The following RANBP17 variants were observed in gnomAD, a reference collection of about 807,000 sequenced individuals.
RANBP17 encodes the protein RAN binding protein 17.
Under a neutral mutation model 141.2 loss-of-function variants are expected in RANBP17, and 158 were observed. The ratio of observed to expected loss-of-function variants is 1.12; its 90% CI spans 0.98 to 1.28. The LOEUF (loss-of-function observed/expected upper bound fraction) is 1.28. Among genes scored for constraint, RANBP17 ranks in the 50% most tolerant of loss-of-function variants. The probability of loss-of-function intolerance (pLI) is 0.00; values close to 1 mark genes in which losing one functional copy is unlikely to be tolerated. For synonymous variants in RANBP17, 430 were observed against 450.0 expected (o/e 0.96, Z 0.56); for missense variants, 1,438 against 1,290.7 (o/e 1.11, Z -1.75).
intron 16 of RANBP17, among the ~76,000 whole-genome samples, chr5:171,174,751 AGTGTGTGT>A (rs57948503): frequency 1.8e-4 from 25 of 135,712 alleles, no homozygotes; most frequent in African/African-American, 3.1e-4. Context: ...AAATATCTAG[AGTGTGTGT>A]GTGTGTGTGT....
chr5:170,982,793 T>C (rs1777863579), intron 14 of RANBP17, among the ~76,000 whole-genome samples: 1 of 152,208 alleles, frequency 6.6e-6, no homozygotes, highest in Non-Finnish European at 1.5e-5. Context: ...TATTGGAAAT[T>C]CACAGCATCA....
intron 18 of RANBP17, among the ~76,000 whole-genome samples, chr5:171,192,517 T>A (rs1408280622): frequency 2.0e-5 from 3 of 152,088 alleles, no homozygotes; most frequent in African/African-American, 4.8e-5. Context: ...ACACTCTGGT[T>A]CCCTAGGGAG....
chr5:171,051,689 T>A (rs1020695758), intron 14 of RANBP17, among the ~76,000 whole-genome samples: 23 of 152,172 alleles, frequency 1.5e-4, no homozygotes, highest in African/African-American at 4.8e-4. Context: ...CAAGTAATGT[T>A]GCTGTAAACA....
chr5:170,986,612 A>G lies in RANBP17; in HGVS notation c.1710+18235A>G, dbSNP rs566814226. Among the ~76,000 whole-genome samples, 4 of 152,014 alleles carry G rather than the reference A, an allele frequency of 2.6e-5. No homozygotes were observed. In the East Asian group the frequency reaches 7.7e-4, roughly 29 times the overall value. On this transcript the variant is annotated intron_variant, in intron 14 of 27. Transcript: ENST00000523189. ...ACCCATAATAATTGCAAATCTAGAA[A>G]TTTTTTAAAAGATAAGTTCTCATTG...
At chr5:170,905,463 A>C (rs560251503) in intron 5 of RANBP17, among the ~76,000 whole-genome samples, 3 of 152,222 alleles carry the variant, frequency 2.0e-5, no homozygotes, top group East Asian at 3.9e-4. Context: ...AATACAAAAG[A>C]ACCATTTTCT....
Position 170,866,600 on chromosome 5 carries a change from G to A in RANBP17, c.18+4549G>A, listed in dbSNP as rs369240155. ...TGAGGCAGAAGAATGGCGTTAACCC[G>A]GGAGGCGGAGCTTGCAGTGAGCCGA... On this transcript the variant is annotated intron_variant, in intron 1 of 27. Transcript: ENST00000523189. Among the ~76,000 whole-genome samples, 79 of 152,044 alleles carry A rather than the reference G, an allele frequency of 5.2e-4. 1 individual carries two copies. The South Asian group carries it at 0.012, about 24-fold the overall frequency.
intron 13 of RANBP17, among the ~76,000 whole-genome samples, chr5:170,954,807 A>T (rs1234568217): frequency 6.6e-6 from 1 of 152,150 alleles, no homozygotes; most frequent in African/African-American, 2.4e-5. Flanking sequence ...CATTTTAAAG[A>T]CTTTCAATAC....
chr5:171,099,203 G>A (rs1268240138), intron 14 of RANBP17, among the ~76,000 whole-genome samples: 1 of 152,118 alleles, frequency 6.6e-6, no homozygotes, highest in Admixed American at 6.6e-5. Context: ...ATTACTTTGG[G>A]CAGTATGGTC....
Position 171,296,022 on chromosome 5 carries a change from T to A in RANBP17, c.3170+8T>A. ...CGTCAAGAACAGAGACAGGTGAGCA[T>A]TGCCCAGTAGTGTGTCACTGGGGGA... On this transcript the variant is annotated splice_region_variant and intron_variant, in intron 27 of 27. Coordinates refer to ENST00000523189, the MANE Select transcript of RANBP17 (RefSeq NM_022897.5). 6.2e-7 allele frequency: 1 copy of A among 1,612,672 alleles called. No homozygotes were observed. The highest frequency in any genetic ancestry group is 8.5e-7 in the Non-Finnish European group (1 of 1,179,122).
intron 14 of RANBP17, among the ~76,000 whole-genome samples, chr5:170,980,604 G>T (rs764864071): frequency 1.4e-4 from 22 of 152,214 alleles, no homozygotes; most frequent in Non-Finnish European, 2.8e-4. Context: ...CCAAGCCTTG[G>T]CACCTTCCAT....
intron 14 of RANBP17, among the ~76,000 whole-genome samples, chr5:171,083,403 A>G (rs555273314): frequency 6.6e-6 from 1 of 152,152 alleles, no homozygotes; most frequent in African/African-American, 2.4e-5. Flanking sequence ...AGACCTGACT[A>G]TGCTGGCATC....
At chr5:170,983,704 G>T (rs1261086232) in intron 14 of RANBP17, among the ~76,000 whole-genome samples, 3 of 152,132 alleles carry the variant, frequency 2.0e-5, no homozygotes, top group African/African-American at 7.2e-5. Flanking sequence ...AATCATGTAT[G>T]TGTATAATTT....
At chr5:170,906,517 TAATTAAGATGGACTCCTC>T (rs1046478449) in intron 5 of RANBP17, among the ~76,000 whole-genome samples, 1 of 151,988 alleles carries the variant, frequency 6.6e-6, no homozygotes, top group African/African-American at 2.4e-5. Context: ...TTTGATCTCT[TAATTAAGATGGACTCCTC>T]TGGGCTCACC....
intron 18 of RANBP17, among the ~76,000 whole-genome samples, chr5:171,188,379 CTG>C (rs1004734057): frequency 1.3e-5 from 2 of 152,228 alleles, no homozygotes; most frequent in African/African-American, 4.8e-5. Context: ...CAGCCCCAGA[CTG>C]TGTCATTGCC....
At chr5:171,102,733 TTGTCTACCTTTGGTCTTCGATGTTGG>T (rs1424014377) in intron 14 of RANBP17, among the ~76,000 whole-genome samples, 1 of 152,162 alleles carries the variant, frequency 6.6e-6, no homozygotes, top group East Asian at 1.9e-4. Flanking sequence ...CTTCGTGGAT[TTGTCTACCTTTGGTCTTCGATGTTGG>T]TGACCTTCGG....
intron 14 of RANBP17, among the ~76,000 whole-genome samples, chr5:171,144,730 C>T (rs1561699967): frequency 6.6e-6 from 1 of 152,138 alleles, no homozygotes. Context: ...TGTGAAATCC[C>T]TTTTTGTGTT....
At chr5:171,178,526 G>T (rs2127907374) in intron 16 of RANBP17, among the ~76,000 whole-genome samples, 1 of 152,240 alleles carries the variant, frequency 6.6e-6, no homozygotes, top group Middle Eastern at 3.4e-3. Context: ...CATCCTTTGG[G>T]TTTATACCCA....
At chr5:171,106,139 A>G (rs1018237535) in intron 14 of RANBP17, among the ~76,000 whole-genome samples, 1 of 152,230 alleles carries the variant, frequency 6.6e-6, no homozygotes, top group African/African-American at 2.4e-5. Flanking sequence ...CACTACGTTT[A>G]AGAATCCTGT....
Position 171,006,853 on chromosome 5 carries a change from T to C in RANBP17, c.1710+38476T>C, listed in dbSNP as rs368748494. Among the ~76,000 whole-genome samples, 5 of 152,260 alleles carry C rather than the reference T, an allele frequency of 3.3e-5. No homozygotes were observed. The East Asian group carries it at 7.7e-4, about 24-fold the overall frequency. On this transcript the variant is annotated intron_variant, in intron 14 of 27. Coordinates refer to ENST00000523189, the MANE Select transcript of RANBP17 (RefSeq NM_022897.5). The stretch of plus-strand genomic sequence containing the variant: ...CCATGAACTGGGCTGGGTTTTCGTC[T>C]TTACGTTGGGTATTTTCTTTAAGTT...
Sources: gnomAD v4.1 joint callset for allele counts (sites outside exome capture counted in the v4.1 genomes callset) on GRCh38, gnomAD v4.1.1 for gene constraint, MANE v1.5 for transcripts, NCBI Gene and HGNC (gene_info 2026-07-23, HGNC 2026-07-21) for gene names.